RPS6KC1: variants seen among roughly 807,000 people sequenced by gnomAD.
RPS6KC1 encodes the protein ribosomal protein S6 kinase C1.
Under a neutral mutation model 103.8 loss-of-function variants are expected in RPS6KC1, and 54 were observed. That is an observed-to-expected ratio of 0.52 (90% CI 0.42 to 0.65). RPS6KC1 has a LOEUF of 0.65. Ranked by LOEUF, RPS6KC1 falls within the 30% of genes least tolerant of loss-of-function variation. The pLI, the probability that RPS6KC1 is intolerant of heterozygous loss-of-function variation, is 0.00. For synonymous variants in RPS6KC1, 439 were observed against 438.7 expected, an observed-to-expected ratio of 1.00 and a Z score of -0.01; for missense variants, 1,151 against 1,253.8, an observed-to-expected ratio of 0.92 and a Z score of 1.24.
the RPS6KC1 span, among the ~76,000 whole-genome samples, chr1:213,669,477 C>A: frequency 6.6e-6 from 1 of 152,080 alleles, no homozygotes; most frequent in African/African-American, 2.4e-5. Flanking sequence ...CATCAAAGAT[C>A]ACTGATCACA....
the RPS6KC1 span, among the ~76,000 whole-genome samples, chr1:213,544,373 A>G: frequency 1.3e-5 from 2 of 152,288 alleles, no homozygotes; most frequent in Admixed American, 6.5e-5. Flanking sequence ...ATGTTATTCC[A>G]CAGATTACTA....
the RPS6KC1 span, among the ~76,000 whole-genome samples, chr1:213,791,957 C>T: frequency 1.2e-4 from 19 of 152,184 alleles, no homozygotes; most frequent in Non-Finnish European, 2.2e-4. Context: ...GCACATAGTA[C>T]GCCATGTTCA....
At chr1:213,109,643 ATATTCTT>A (rs2082828230) in intron 4 of RPS6KC1, among the ~76,000 whole-genome samples, 1 of 151,976 alleles carries the variant, frequency 6.6e-6, no homozygotes, top group African/African-American at 2.4e-5. Context: ...TGATTATGTA[ATATTCTT>A]TTGTGTGGCT....
At chr1:213,267,160 A>G (rs2094930435) in intron 14 of RPS6KC1, among the ~76,000 whole-genome samples, 1 of 151,900 alleles carries the variant, frequency 6.6e-6, no homozygotes, top group Admixed American at 6.6e-5. Context: ...TAAACTTTGA[A>G]TGTGTTCTGC....
At chr1:213,678,444 G>A in the RPS6KC1 span, among the ~76,000 whole-genome samples, 1 of 151,998 alleles carries the variant, frequency 6.6e-6, no homozygotes, top group Non-Finnish European at 1.5e-5. Context: ...AGCTGAGGAA[G>A]GAACTGGCAA....
At chr1:213,205,654 TCATC>T (rs1573264884) in intron 8 of RPS6KC1, among the ~76,000 whole-genome samples, 1 of 149,438 alleles carries the variant, frequency 6.7e-6, no homozygotes, top group Non-Finnish European at 1.5e-5. Context: ...CTTAAGGACT[TCATC>T]TAATATACTT....
chr1:213,385,064 G>A, the RPS6KC1 span, among the ~76,000 whole-genome samples: 2 of 152,206 alleles, frequency 1.3e-5, no homozygotes, highest in Non-Finnish European at 2.9e-5. Flanking sequence ...TTCCCATGAT[G>A]TTATACTGCT....
intron 4 of RPS6KC1, among the ~76,000 whole-genome samples, chr1:213,116,727 A>G (rs1240479873): frequency 6.7e-6 from 1 of 149,656 alleles, no homozygotes; most frequent in East Asian, 2.0e-4. Flanking sequence ...TTCCTTCAGG[A>G]GCTCTTTTAG....
chr1:213,063,553 C>T (rs1403606209), intron 1 of RPS6KC1, among the ~76,000 whole-genome samples: 3 of 152,158 alleles, frequency 2.0e-5, no homozygotes, highest in African/African-American at 7.2e-5. Flanking sequence ...TGTTCATGAA[C>T]AGAGGCAGAT....
chr1:213,572,164 A>T, the RPS6KC1 span, among the ~76,000 whole-genome samples: 1 of 152,198 alleles, frequency 6.6e-6, no homozygotes, highest in Non-Finnish European at 1.5e-5. Context: ...GGATGGGCAG[A>T]CATAGCTGCC....
At chr1:213,361,154 A>G in the RPS6KC1 span, among the ~76,000 whole-genome samples, 1 of 152,282 alleles carries the variant, frequency 6.6e-6, no homozygotes, top group African/African-American at 2.4e-5. Context: ...CTGCCCCCAG[A>G]GGTGGAGTCT....
the RPS6KC1 span, among the ~76,000 whole-genome samples, chr1:213,312,499 A>G: frequency 6.6e-6 from 1 of 152,140 alleles, no homozygotes; most frequent in Non-Finnish European, 1.5e-5. Context: ...CCTTCTCCAC[A>G]ACAGAACTGA....
the RPS6KC1 span, among the ~76,000 whole-genome samples, chr1:213,487,551 A>T: frequency 6.6e-6 from 1 of 151,974 alleles, no homozygotes; most frequent in Non-Finnish European, 1.5e-5. Flanking sequence ...ACAACTCTTC[A>T]ATTCCTTCTC....
At chr1:213,657,277 G>T in the RPS6KC1 span, among the ~76,000 whole-genome samples, 1 of 152,010 alleles carries the variant, frequency 6.6e-6, no homozygotes, top group Non-Finnish European at 1.5e-5. Context: ...GATAAGGAAG[G>T]CAAAGGTAGT....
At chr1:213,239,260 C>T (rs2094296498) in intron 10 of RPS6KC1, among the ~76,000 whole-genome samples, 1 of 151,898 alleles carries the variant, frequency 6.6e-6, no homozygotes, top group Admixed American at 6.6e-5. Context: ...ATAACTTGAA[C>T]CGAGGAGGTG....
the RPS6KC1 span, among the ~76,000 whole-genome samples, chr1:213,360,432 A>G: frequency 6.6e-6 from 1 of 152,098 alleles, no homozygotes; most frequent in Admixed American, 6.5e-5. Context: ...ACTTCTCTGC[A>G]TTGGTTATTC....
At chr1:213,427,096 C>T in the RPS6KC1 span, among the ~76,000 whole-genome samples, 1 of 152,230 alleles carries the variant, frequency 6.6e-6, no homozygotes, top group East Asian at 1.9e-4. Context: ...CAAACTCTCC[C>T]ACTTCAGCCA....
chr1:213,118,898 C>T (rs373222457), intron 5 of RPS6KC1, among the ~76,000 whole-genome samples: 4 of 151,762 alleles, frequency 2.6e-5, no homozygotes, highest in Admixed American at 6.6e-5. Flanking sequence ...GTGTGTGTGT[C>T]GGGGGCGGTG....
chr1:213,824,279 C>A, the RPS6KC1 span, among the ~76,000 whole-genome samples: 1 of 152,186 alleles, frequency 6.6e-6, no homozygotes, highest in South Asian at 2.1e-4. Flanking sequence ...GGCCCTGTTT[C>A]CCAGCCCAGT....
Sources: gnomAD v4.1 joint callset for allele counts (sites outside exome capture counted in the v4.1 genomes callset) on GRCh38, gnomAD v4.1.1 for gene constraint, MANE v1.5 for transcripts, NCBI Gene and HGNC (gene_info 2026-07-23, HGNC 2026-07-21) for gene names.